Variants in RIPK2 observed in about 807,000 individuals in gnomAD.
RIPK2 encodes the protein receptor-interacting serine/threonine-protein kinase 2.
A neutral mutation model predicts 60.9 loss-of-function variants in RIPK2; 38 were observed. That is an observed-to-expected ratio of 0.62 (90% CI 0.48 to 0.82). The LOEUF (loss-of-function observed/expected upper bound fraction) is 0.82. Among genes scored for constraint, RIPK2 ranks in the 40% least tolerant of loss-of-function variants. The probability of loss-of-function intolerance (pLI) is 0.00; values close to 1 mark genes in which losing one functional copy is unlikely to be tolerated. For missense variants in RIPK2, 518 were observed against 647.0 expected, an observed-to-expected ratio of 0.80 and a Z score of 2.16; for synonymous variants, 225 against 223.4, an observed-to-expected ratio of 1.01 and a Z score of -0.06.
chr8:89,788,065 C>T (rs554499176), intron 9 of RIPK2, among the ~76,000 whole-genome samples: 1 of 152,208 alleles, frequency 6.6e-6, no homozygotes, highest in Admixed American at 6.5e-5. Flanking sequence ...AAACAGGCTG[C>T]ATGCGGTGGC....
intron 3 of RIPK2, among the ~76,000 whole-genome samples, chr8:89,766,562 T>C (rs1809232217): frequency 2.0e-5 from 3 of 151,722 alleles, no homozygotes; most frequent in Non-Finnish European, 4.4e-5. Context: ...CTTCATCAGA[T>C]ATGTAGTTTG....
intron 6 of RIPK2, among the ~76,000 whole-genome samples, chr8:89,775,381 G>C (rs890167699): frequency 6.6e-6 from 1 of 152,138 alleles, no homozygotes; most frequent in African/African-American, 2.4e-5. Context: ...AGCCCAAAAT[G>C]TTGAGGCTGC....
chr8:89,777,117 G>A (rs995799849), intron 6 of RIPK2, among the ~76,000 whole-genome samples: 4 of 152,170 alleles, frequency 2.6e-5, no homozygotes, highest in Non-Finnish European at 5.9e-5. Flanking sequence ...GAAGGGAAAA[G>A]GTACACAGAG....
At position 89,762,856 on chromosome 8, in the gene RIPK2, T is replaced by C. The variant is rs201933732; in HGVS notation, c.201T>C (p.Ala67=). 2.3e-5 allele frequency: 34 copies of C among 1,490,128 alleles called. No individual in the cohort carries two copies. The highest frequency in any genetic ancestry group is 6.3e-5 in the Admixed American group (3 of 47,610). 92.3% of individuals were successfully genotyped at this position (1,490,128 alleles called of 1,614,324 possible). A position where few individuals can be genotyped will look rare whatever the true frequency, so the allele number is the denominator to read the frequency against. ...AAAGAAAGGATGTCTTAAGAGAAGC[T>C]GAAATTTTACACAAAGCTAGATTTA... ...DSERKDVLRE[A]EILHKARFSY... is the part of the protein sequence containing the mutation. The change falls in exon 2 of 11, where the codon GCT becomes GCC. Residue 67 remains alanine, a synonymous_variant. Coordinates refer to ENST00000220751, the MANE Select transcript of RIPK2 (RefSeq NM_003821.6).
chr8:89,787,072 G>A (rs574274593), intron 9 of RIPK2, among the ~76,000 whole-genome samples: 28 of 152,102 alleles, frequency 1.8e-4, no homozygotes, highest in Non-Finnish European at 3.8e-4. Flanking sequence ...AGGCTGAGGC[G>A]GAAAGATCGC....
At position 89,780,072 on chromosome 8, in the gene RIPK2, T is replaced by A; in HGVS notation, c.854-3T>A. 1 of 1,444,564 alleles carries A rather than the reference T, an allele frequency of 6.9e-7. No individual in the cohort carries two copies. Among genetic ancestry groups the A allele is most frequent in the Non-Finnish European group, 9.6e-7 (1 of 1,042,914 alleles). 89.5% of individuals were successfully genotyped at this position (1,444,564 alleles called of 1,614,324 possible). ...TCAACCTGTATTTTTTTCTCTTATG[T>A]AGAATGTTTAATAGAACTTGAACCA... On this transcript the variant is annotated splice_region_variant and splice_polypyrimidine_tract_variant and intron_variant, in intron 6 of 10. Coordinates refer to ENST00000220751, the MANE Select transcript of RIPK2 (RefSeq NM_003821.6).
intron 3 of RIPK2, 90 bp from the exon 4 acceptor site, chr8:89,769,682 A>T (rs746410361): frequency 5.1e-5 from 40 of 786,636 alleles, no homozygotes; most frequent in Non-Finnish European, 6.6e-5. Context: ...CTGGTTTGAT[A>T]TCTAAATACA....
chr8:89,770,020 T>C lies in RIPK2; in HGVS notation c.641+91T>C, dbSNP rs1809288236. On this transcript the variant is annotated intron_variant, in intron 4 of 10. Coordinates refer to ENST00000220751, the MANE Select transcript of RIPK2 (RefSeq NM_003821.6). ...TTTGAAGCTACATTTTAAACTGTGATTTTTATTCTTCTCTCATAATTGTGG... is the reference window on the plus strand; with the variant it reads ...TTTGAAGCTACATTTTAAACTGTGACTTTTATTCTTCTCTCATAATTGTGG... The C allele has an allele frequency of 3.0e-6, 3 of 1,000,704 alleles. No individual in the cohort carries two copies. In the South Asian group the frequency reaches 5.1e-5, roughly 17 times the overall value. The allele number at this position is 1,000,704 out of a possible 1,614,324, so 62.0% of individuals were successfully genotyped here.
chr8:89,778,709 T>C (rs1212487590), intron 6 of RIPK2, among the ~76,000 whole-genome samples: 1 of 152,196 alleles, frequency 6.6e-6, no homozygotes, highest in Non-Finnish European at 1.5e-5. Context: ...GTTGATCCAT[T>C]GGCCAGTTGA....
chr8:89,787,041 C>A (rs936714646), intron 9 of RIPK2, among the ~76,000 whole-genome samples: 1 of 152,008 alleles, frequency 6.6e-6, no homozygotes, highest in Non-Finnish European at 1.5e-5. Context: ...TGGTGGGCAC[C>A]TGTAGTCTCA....
At chr8:89,789,688 T>TGC (rs1228031739) in intron 10 of RIPK2, among the ~76,000 whole-genome samples, 1 of 152,166 alleles carries the variant, frequency 6.6e-6, no homozygotes, top group African/African-American at 2.4e-5. Context: ...AGGGAGGCAG[T>TGC]GCTAAGAGGA....
In RIPK2 at chr8:89,784,133, A is replaced by G; in HGVS notation, c.1023A>G (p.Pro341=). ...LSLNIPVNHG[P]QEESCGSSQL... Reference sequence around the variant, plus strand: ...TGAACATACCTGTAAATCATGGTCCACAAGAGGTAAAAAAAAAAAAAAAAA... The same window carrying G: ...TGAACATACCTGTAAATCATGGTCCGCAAGAGGTAAAAAAAAAAAAAAAAA... The change falls in exon 8 of 11, where the codon CCA becomes CCG. Residue 341 remains proline, a synonymous_variant. Transcript: ENST00000220751. The G allele has an allele frequency of 8.5e-7, 1 of 1,172,444 alleles. No individual in the cohort carries two copies. The highest frequency in any genetic ancestry group is 1.2e-6 in the Non-Finnish European group (1 of 834,878). 72.6% of individuals were successfully genotyped at this position (1,172,444 alleles called of 1,614,324 possible).
chr8:89,788,069 C>T (rs572712569), intron 9 of RIPK2, among the ~76,000 whole-genome samples: 4 of 152,220 alleles, frequency 2.6e-5, no homozygotes, highest in Non-Finnish European at 5.9e-5. Flanking sequence ...AGGCTGCATG[C>T]GGTGGCTCAC....
chr8:89,758,355 C>T (rs1809086200), intron 1 of RIPK2, 122 bp downstream of exon 1: 1 of 1,011,920 alleles, frequency 9.9e-7, no homozygotes, highest in African/African-American at 1.6e-5. Context: ...CACCTCGTCA[C>T]CTCTAGGGAG....
chr8:89,783,034 G>A (rs1809525873), intron 7 of RIPK2, among the ~76,000 whole-genome samples: 1 of 152,180 alleles, frequency 6.6e-6, no homozygotes, highest in Non-Finnish European at 1.5e-5. Flanking sequence ...TTGAACTGCT[G>A]TGTATAACGC....
At chr8:89,787,172 A>G (rs888671683) in intron 9 of RIPK2, among the ~76,000 whole-genome samples, 92 of 152,164 alleles carry the variant, frequency 6.0e-4, no homozygotes, top group African/African-American at 2.2e-3. Context: ...TCAAAAAATA[A>G]ATTTTAAAAA....
At position 89,758,274 on chromosome 8, in the gene RIPK2, C is replaced by T. The variant is rs749353888; in HGVS notation, c.173+41C>T. 8.4e-6 allele frequency: 13 copies of T among 1,542,634 alleles called. No homozygotes were observed. In the Admixed American group the frequency reaches 2.2e-4, roughly 26 times the overall value. On this transcript the variant is annotated intron_variant, in intron 1 of 10. Transcript: ENST00000220751. Reference sequence around the variant, plus strand: ...GGTTCCCTGGAAGAGCCCTCAACTCCTGCATCCCCTCAAGCCCCCTGACAA... The same window carrying T: ...GGTTCCCTGGAAGAGCCCTCAACTCTTGCATCCCCTCAAGCCCCCTGACAA...
chr8:89,772,543 G>C (rs1000021635), intron 5 of RIPK2, 124 bp from the exon 6 acceptor site: 6 of 647,608 alleles, frequency 9.3e-6, no homozygotes, highest in Non-Finnish European at 1.5e-5. Flanking sequence ...TTTACAGAAA[G>C]GGGGGTAAGG....
intron 3 of RIPK2, among the ~76,000 whole-genome samples, chr8:89,767,866 A>G (rs1450603660): frequency 6.6e-6 from 1 of 151,826 alleles, no homozygotes; most frequent in Admixed American, 6.6e-5. Flanking sequence ...AGTGCATTTT[A>G]TCCATCTCCC....
Sources: gnomAD v4.1 joint callset for allele counts (sites outside exome capture counted in the v4.1 genomes callset) on GRCh38, gnomAD v4.1.1 for gene constraint, MANE v1.5 for transcripts, NCBI Gene and HGNC (gene_info 2026-07-23, HGNC 2026-07-21) for gene names.